Variants in CNTN5 observed in about 807,000 individuals in gnomAD.
The protein encoded by CNTN5 is contactin-5.
In CNTN5, 77 loss-of-function variants were observed where a neutral mutation model predicts 129.1. The observed-to-expected ratio is 0.60, with a 90% CI of 0.50 to 0.72. The LOEUF (loss-of-function observed/expected upper bound fraction) is 0.72. Ranked by LOEUF, CNTN5 falls within the 30% of genes least tolerant of loss-of-function variation. CNTN5 has a pLI of 0.00. For missense variants in CNTN5, 1,478 were observed against 1,328.8 expected, an observed-to-expected ratio of 1.11 and a Z score of -1.75; for synonymous variants, 509 against 465.6, an observed-to-expected ratio of 1.09 and a Z score of -1.20.
chr11:100,033,928 C>T (rs1299451289), intron 9 of CNTN5, among the ~76,000 whole-genome samples: 3 of 152,166 alleles, frequency 2.0e-5, no homozygotes, highest in Non-Finnish European at 2.9e-5. Flanking sequence ...ACTTCCCACC[C>T]TCCATACACA....
chr11:100,231,083 G>A (rs1306618297), intron 16 of CNTN5, among the ~76,000 whole-genome samples: 2 of 152,182 alleles, frequency 1.3e-5, no homozygotes, highest in East Asian at 3.8e-4. Context: ...TGCCAGGACA[G>A]TTCTAGAGTG....
At chr11:99,147,335 A>T in intron 1 of CNTN5, among the ~76,000 whole-genome samples, 1 of 152,182 alleles carries the variant, frequency 6.6e-6, no homozygotes, top group East Asian at 1.9e-4. Context: ...CTATATTTAC[A>T]ATTCTAATGT....
At chr11:99,427,123 A>G (rs1943154582) in intron 2 of CNTN5, among the ~76,000 whole-genome samples, 2 of 152,182 alleles carry the variant, frequency 1.3e-5, no homozygotes, top group African/African-American at 4.8e-5. Flanking sequence ...CATTTACATA[A>G]CCTGCAAGTC....
chr11:99,608,443 G>A (rs1489273397), intron 3 of CNTN5, among the ~76,000 whole-genome samples: 1 of 152,180 alleles, frequency 6.6e-6, no homozygotes, highest in Non-Finnish European at 1.5e-5. Flanking sequence ...TGGTCAGAAT[G>A]TGACTTTATT....
chr11:100,163,127 A>G (rs949796016), intron 13 of CNTN5, among the ~76,000 whole-genome samples: 2 of 150,798 alleles, frequency 1.3e-5, no homozygotes, highest in African/African-American at 4.9e-5. Flanking sequence ...TTTCATTTCG[A>G]CAAATTAAAA....
chr11:99,332,992 G>C (rs558209756), intron 2 of CNTN5, among the ~76,000 whole-genome samples: 1 of 151,934 alleles, frequency 6.6e-6, no homozygotes, highest in Non-Finnish European at 1.5e-5. Flanking sequence ...TTTAGAAGCC[G>C]CTACCTATAT....
intron 3 of CNTN5, among the ~76,000 whole-genome samples, chr11:99,640,349 G>A (rs1480378188): frequency 6.6e-6 from 1 of 152,170 alleles, no homozygotes; most frequent in East Asian, 1.9e-4. Context: ...AGTTCCATAT[G>A]CCTGGCAAGG....
intron 1 of CNTN5, among the ~76,000 whole-genome samples, chr11:99,210,709 ATG>A (rs1278566938): frequency 2.0e-5 from 3 of 149,198 alleles, no homozygotes; most frequent in African/African-American, 7.5e-5. Flanking sequence ...TATTATGGCT[ATG>A]TAAATGTTAT....
At chr11:99,438,866 T>TTAAC (rs1202876452) in intron 2 of CNTN5, among the ~76,000 whole-genome samples, 6 of 152,194 alleles carry the variant, frequency 3.9e-5, no homozygotes, top group Admixed American at 1.3e-4. Flanking sequence ...CAGGACCAAG[T>TTAAC]TAACTCTCAG....
At chr11:99,171,062 T>G (rs983306761) in intron 1 of CNTN5, among the ~76,000 whole-genome samples, 5 of 147,956 alleles carry the variant, frequency 3.4e-5, no homozygotes, top group Non-Finnish European at 5.9e-5. Flanking sequence ...ACTGAATATA[T>G]TAGTTTTTTT....
At chr11:99,734,966 C>G (rs1282291895) in intron 3 of CNTN5, among the ~76,000 whole-genome samples, 1 of 152,166 alleles carries the variant, frequency 6.6e-6, no homozygotes, top group African/African-American at 2.4e-5. Flanking sequence ...CGAGATAGCA[C>G]CACTGCAGTC....
intron 2 of CNTN5, among the ~76,000 whole-genome samples, chr11:99,418,233 A>C (rs2135041372): frequency 6.6e-6 from 1 of 152,302 alleles, no homozygotes; most frequent in South Asian, 2.1e-4. Flanking sequence ...TCTAGTTTTT[A>C]AATGGAAAAA....
chr11:99,787,682 G>C (rs1409191808), intron 3 of CNTN5, among the ~76,000 whole-genome samples: 1 of 151,940 alleles, frequency 6.6e-6, no homozygotes, highest in Non-Finnish European at 1.5e-5. Context: ...TATGTTACCA[G>C]ATATGAGTCA....
At chr11:99,734,188 G>A (rs1375808156) in intron 3 of CNTN5, among the ~76,000 whole-genome samples, 1 of 152,174 alleles carries the variant, frequency 6.6e-6, no homozygotes, top group Non-Finnish European at 1.5e-5. Flanking sequence ...AATCATATCA[G>A]AGTCAATGGA....
intron 1 of CNTN5, among the ~76,000 whole-genome samples, chr11:99,028,416 G>A (rs1451975671): frequency 6.6e-6 from 1 of 151,856 alleles, no homozygotes; most frequent in Non-Finnish European, 1.5e-5. Context: ...AATGTGAAAT[G>A]TGCAGTCATA....
At chr11:99,732,448 A>C (rs1943567284) in intron 3 of CNTN5, among the ~76,000 whole-genome samples, 1 of 152,188 alleles carries the variant, frequency 6.6e-6, no homozygotes, top group African/African-American at 2.4e-5. Flanking sequence ...TACTCAGTAT[A>C]ATAACTGAGT....
At chr11:99,476,287 A>C (rs1160788024) in intron 2 of CNTN5, among the ~76,000 whole-genome samples, 2 of 152,064 alleles carry the variant, frequency 1.3e-5, no homozygotes, top group African/African-American at 4.8e-5. Flanking sequence ...CTACTTTCTC[A>C]TTTTATTACA....
intron 13 of CNTN5, among the ~76,000 whole-genome samples, chr11:100,112,873 A>G (rs1945701432): frequency 6.6e-6 from 1 of 152,182 alleles, no homozygotes; most frequent in Non-Finnish European, 1.5e-5. Context: ...CCCAGTTAAT[A>G]ATGTTATGAC....
At chr11:99,377,695 C>T (rs184974861) in intron 2 of CNTN5, among the ~76,000 whole-genome samples, 6 of 152,212 alleles carry the variant, frequency 3.9e-5, no homozygotes, top group Admixed American at 1.3e-4. Context: ...TGTAGTGCTA[C>T]ATATTATTTC....
Sources: allele counts gnomAD v4.1 joint callset (sites outside exome capture counted in the v4.1 genomes callset), GRCh38; gene constraint gnomAD v4.1.1; transcripts MANE v1.5; gene names NCBI Gene and HGNC (gene_info 2026-07-23, HGNC 2026-07-21).